ADGRB3: variants seen among roughly 807,000 people sequenced by gnomAD.
ADGRB3 encodes the protein brain-specific angiogenesis inhibitor 3.
In ADGRB3, 37 loss-of-function variants were observed where a neutral mutation model predicts 193.4. That is an observed-to-expected ratio of 0.19 (90% CI 0.15 to 0.25). The LOEUF is 0.25. ADGRB3 is among the 10% of genes least tolerant of loss of function. The pLI is 1.00. For missense variants in ADGRB3, 1,637 were observed against 1,852.9 expected, an observed-to-expected ratio of 0.88 and a Z score of 2.14; for synonymous variants, 690 against 644.2, an observed-to-expected ratio of 1.07 and a Z score of -1.08.
At chr6:69,348,288 G>T (rs1000207299) in intron 26 of ADGRB3, among the ~76,000 whole-genome samples, 1 of 152,014 alleles carries the variant, frequency 6.6e-6, no homozygotes, top group African/African-American at 2.4e-5. Flanking sequence ...TCTTCTGCAG[G>T]ATCCTCACAC....
rs141108587 is a variant in ADGRB3 at position 69,277,304 on chromosome 6, T to C, written c.2814+38078T>C. 4.5e-3 allele frequency among the ~76,000 whole-genome samples: 683 copies of C among 152,216 alleles called. 5 individuals are homozygous for C. Among genetic ancestry groups the C allele is most frequent in the African/African-American group, 0.015 (617 of 41,542 alleles). ...CATGGCGCCTGGCCCACTCTAGTCT[T>C]TCTTAAGCCTCTACTCCATCTCTTC... On this transcript the variant is annotated intron_variant, in intron 20 of 31. Coordinates refer to ENST00000370598, the MANE Select transcript of ADGRB3 (RefSeq NM_001704.3).
chr6:69,298,696 T>G (rs755255770), intron 20 of ADGRB3, among the ~76,000 whole-genome samples: 2 of 152,060 alleles, frequency 1.3e-5, no homozygotes, highest in Non-Finnish European at 2.9e-5. Flanking sequence ...CCATCTATGT[T>G]GTTGCAAATG....
chr6:69,316,609 T>A (rs1310077200), intron 20 of ADGRB3, among the ~76,000 whole-genome samples: 1 of 151,480 alleles, frequency 6.6e-6, no homozygotes, highest in Non-Finnish European at 1.5e-5. Context: ...CCATAATTTG[T>A]AAGTGAAAAT....
intron 17 of ADGRB3, among the ~76,000 whole-genome samples, chr6:69,112,657 A>G (rs1250619612): frequency 6.6e-6 from 1 of 152,244 alleles, no homozygotes. Context: ...CAGATCAAAA[A>G]TTAAACAAAA....
intron 17 of ADGRB3, among the ~76,000 whole-genome samples, chr6:69,219,487 ATATAT>A (rs1765846061): frequency 7.1e-6 from 1 of 140,524 alleles, no homozygotes; most frequent in South Asian, 2.2e-4. Flanking sequence ...ATATATATAT[ATATAT>A]ACGTGTGTGT....
At chr6:69,080,159 A>G (rs1367133259) in intron 17 of ADGRB3, among the ~76,000 whole-genome samples, 1 of 152,072 alleles carries the variant, frequency 6.6e-6, no homozygotes, top group Non-Finnish European at 1.5e-5. Context: ...ACCTCACAGT[A>G]TAACTCCTAG....
chr6:69,307,077 T>A (rs1768082312), intron 20 of ADGRB3, among the ~76,000 whole-genome samples: 1 of 151,430 alleles, frequency 6.6e-6, no homozygotes, highest in Admixed American at 6.6e-5. Context: ...ATAGCTTTTT[T>A]TTTTGCTTCC....
chr6:68,914,479 A>C (rs945109886), intron 3 of ADGRB3, among the ~76,000 whole-genome samples: 4 of 152,252 alleles, frequency 2.6e-5, no homozygotes, highest in Middle Eastern at 6.8e-3. Context: ...AATACTTTAC[A>C]GACAAGCAAA....
In ADGRB3 at chr6:68,743,695, A is replaced by C. The variant is rs561266347; in HGVS notation, c.757+104263A>C. 2.9e-3 allele frequency among the ~76,000 whole-genome samples: 447 copies of C among 152,276 alleles called. 2 individuals carry two copies. The highest frequency in any genetic ancestry group is 0.01 in the African/African-American group (433 of 41,574). The stretch of plus-strand genomic sequence containing the variant: ...AACTGACACTCAGAACTTGCCAGAA[A>C]AATGCAAATTAAAATGAAACTTAAT... On this transcript the variant is annotated intron_variant, in intron 3 of 31. Transcript: ENST00000370598.
At chr6:68,897,396 AAG>A (rs1165122244) in intron 3 of ADGRB3, among the ~76,000 whole-genome samples, 1 of 139,498 alleles carries the variant, frequency 7.2e-6, no homozygotes. Flanking sequence ...GAAAGAAAGA[AAG>A]AGAGAGAGAG....
At chr6:68,680,374 A>C (rs1764872090) in intron 3 of ADGRB3, among the ~76,000 whole-genome samples, 1 of 152,206 alleles carries the variant, frequency 6.6e-6, no homozygotes, top group Non-Finnish European at 1.5e-5. Flanking sequence ...AGTAAGCAGC[A>C]GGGCAAGAGA....
At chr6:69,318,904 C>CT (rs1343827243) in intron 20 of ADGRB3, among the ~76,000 whole-genome samples, 1 of 150,126 alleles carries the variant, frequency 6.7e-6, no homozygotes, top group Non-Finnish European at 1.5e-5. Flanking sequence ...CATTCCTAAA[C>CT]TTATTTATTT....
At chr6:69,114,065 C>A (rs1047405195) in intron 17 of ADGRB3, among the ~76,000 whole-genome samples, 1 of 152,044 alleles carries the variant, frequency 6.6e-6, no homozygotes, top group Non-Finnish European at 1.5e-5. Context: ...ATCGAGTATC[C>A]CAATAACATC....
At chr6:68,975,475 G>A in intron 10 of ADGRB3, 135 bp downstream of exon 10, 1 of 643,770 alleles carries the variant, frequency 1.6e-6, no homozygotes, top group Non-Finnish European at 2.6e-6. Flanking sequence ...AGAAAGCAAT[G>A]TGATAGAAAG....
chr6:69,350,569 T>C (rs1428468099), intron 26 of ADGRB3, among the ~76,000 whole-genome samples: 1 of 152,180 alleles, frequency 6.6e-6, no homozygotes, highest in African/African-American at 2.4e-5. Context: ...ATTTTTTTAA[T>C]GTTAATTTCA....
At chr6:68,890,501 GT>G (rs1766042489) in intron 3 of ADGRB3, among the ~76,000 whole-genome samples, 1 of 152,278 alleles carries the variant, frequency 6.6e-6, no homozygotes, top group African/African-American at 2.4e-5. Flanking sequence ...TCAAGAGAGA[GT>G]ATTTCCTTAT....
At chr6:69,131,084 A>G (rs988982769) in intron 17 of ADGRB3, among the ~76,000 whole-genome samples, 1 of 152,132 alleles carries the variant, frequency 6.6e-6, no homozygotes, top group Non-Finnish European at 1.5e-5. Context: ...GAATATAGCC[A>G]TTAATTATTT....
At chr6:68,795,179 T>A (rs183698385) in intron 3 of ADGRB3, among the ~76,000 whole-genome samples, 1 of 152,188 alleles carries the variant, frequency 6.6e-6, no homozygotes, top group Non-Finnish European at 1.5e-5. Context: ...ATTAGCTATG[T>A]GCTGGCATTT....
At chr6:69,024,073 T>A (rs1033300571) in intron 13 of ADGRB3, among the ~76,000 whole-genome samples, 1 of 152,162 alleles carries the variant, frequency 6.6e-6, no homozygotes, top group Admixed American at 6.5e-5. Context: ...ATAAAAGTGA[T>A]AGTTGAAGTC....
Sources: allele counts gnomAD v4.1 joint callset (sites outside exome capture counted in the v4.1 genomes callset), GRCh38; gene constraint gnomAD v4.1.1; transcripts MANE v1.5; gene names NCBI Gene and HGNC (gene_info 2026-07-23, HGNC 2026-07-21).